SATB2: variants seen among roughly 807,000 people sequenced by gnomAD.
The protein encoded by SATB2 is SATB homeobox 2, also known as DNA-binding protein SATB2.
Under a neutral mutation model 73.4 loss-of-function variants are expected in SATB2, and 1 was observed. That is an observed-to-expected ratio of 0.01 (90% CI 0.00 to 0.06). The LOEUF (loss-of-function observed/expected upper bound fraction) is 0.06. Ranked by LOEUF, SATB2 falls within the 10% of genes least tolerant of loss-of-function variation. SATB2 has a pLI of 1.00. For missense variants in SATB2, 459 were observed against 945.8 expected (o/e 0.49, Z 6.75); for synonymous variants, 397 against 367.0 (o/e 1.08, Z -0.93).
At position 199,348,908 on chromosome 2, in the gene SATB2, G is replaced by T. The variant is rs139350909; in HGVS notation, c.966C>A (p.Ala322=). Residue 322 remains alanine, a synonymous_variant, in exon 7 of 11, where the codon GCC becomes GCA. Transcript: ENST00000417098. The part of the protein sequence containing the change: ...AMAHLINQQI[A]VSRLLAHQHP... ...GCTGGTGAGCCAGGAGCCGGCTAAC[G>T]GCAATCTGTTGGTTTATCAGATGGG... The T allele has an allele frequency of 2.5e-6, 4 of 1,614,136 alleles. No homozygotes were observed. Among genetic ancestry groups the T allele is most frequent in the African/African-American group, 1.3e-5 (1 of 75,042 alleles).
intron 10 of SATB2, among the ~76,000 whole-genome samples, chr2:199,286,268 T>A (rs1021719186): frequency 6.6e-6 from 1 of 152,154 alleles, no homozygotes; most frequent in African/African-American, 2.4e-5. Context: ...CAAATAGCTA[T>A]GAAGAGAGTA....
intron 10 of SATB2, among the ~76,000 whole-genome samples, chr2:199,287,553 A>C (rs1476331829): frequency 6.6e-6 from 1 of 151,838 alleles, no homozygotes; most frequent in Non-Finnish European, 1.5e-5. Context: ...GAATAGGATG[A>C]TTTAGAAACA....
rs1183833105 is a variant in SATB2 at position 199,350,998 on chromosome 2, C to CG, written c.701-1826_701-1825insC. Reference sequence around the variant, plus strand: ...TGAGTAGAAATCACACCACTGCACTCCAGCCTGAGTGACGAGCGAGACTCT... The same window carrying CG: ...TGAGTAGAAATCACACCACTGCACTCGCAGCCTGAGTGACGAGCGAGACTCT... On this transcript the variant is annotated intron_variant, in intron 6 of 10. Coordinates refer to ENST00000417098, the MANE Select transcript of SATB2 (RefSeq NM_001172509.2). 2.0e-5 allele frequency among the ~76,000 whole-genome samples: 3 copies of CG among 148,462 alleles called. No homozygotes were observed. In the Admixed American group the frequency reaches 2.0e-4, roughly 10 times the overall value.
At chr2:199,281,463 C>T (rs1193624181) in intron 10 of SATB2, among the ~76,000 whole-genome samples, 1 of 113,736 alleles carries the variant, frequency 8.8e-6, no homozygotes, top group Non-Finnish European at 1.8e-5. Flanking sequence ...AGAACACAAA[C>T]AAGATGATAT....
chr2:199,391,667 A>G (rs1690145882), intron 3 of SATB2, among the ~76,000 whole-genome samples: 1 of 152,140 alleles, frequency 6.6e-6, no homozygotes, highest in African/African-American at 2.4e-5. Flanking sequence ...TACCATTTTA[A>G]TGGCCAAAAA....
chr2:199,427,847 C>T (rs1351099963), intron 3 of SATB2, among the ~76,000 whole-genome samples: 1 of 151,856 alleles, frequency 6.6e-6, no homozygotes, highest in Non-Finnish European at 1.5e-5. Flanking sequence ...TGAAAGTAGC[C>T]TCTATGTAAA....
At chr2:199,342,990 AATGTT>A (rs1688550513) in intron 7 of SATB2, among the ~76,000 whole-genome samples, 1 of 152,178 alleles carries the variant, frequency 6.6e-6, no homozygotes, top group African/African-American at 2.4e-5. Context: ...TGACATTTGA[AATGTT>A]ATTTATTATG....
intron 2 of SATB2, among the ~76,000 whole-genome samples, chr2:199,451,355 T>C (rs1692117794): frequency 6.6e-6 from 1 of 151,800 alleles, no homozygotes; most frequent in Non-Finnish European, 1.5e-5. Context: ...AGAGAAGAGT[T>C]ATTTTTCTAC....
At chr2:199,346,306 C>T (rs922557376) in intron 7 of SATB2, among the ~76,000 whole-genome samples, 2 of 151,986 alleles carry the variant, frequency 1.3e-5, no homozygotes, top group Admixed American at 6.6e-5. Flanking sequence ...CACGCCACCA[C>T]GCCCAGCTAA....
intron 7 of SATB2, among the ~76,000 whole-genome samples, chr2:199,331,457 G>A (rs1341472952): frequency 6.6e-6 from 1 of 151,966 alleles, no homozygotes; most frequent in Non-Finnish European, 1.5e-5. Flanking sequence ...AAACCAACAA[G>A]GAAGCCAGTG....
intron 9 of SATB2, among the ~76,000 whole-genome samples, chr2:199,320,510 G>A (rs1687856476): frequency 6.6e-6 from 1 of 152,144 alleles, no homozygotes. Flanking sequence ...GGAAGTGGAT[G>A]ATGGACTGGC....
chr2:199,279,712 AC>A (rs1175740138), intron 10 of SATB2, among the ~76,000 whole-genome samples: 1 of 152,184 alleles, frequency 6.6e-6, no homozygotes, highest in African/African-American at 2.4e-5. Context: ...AAACAAAATG[AC>A]TTTTATCCAC....
intron 7 of SATB2, among the ~76,000 whole-genome samples, chr2:199,341,224 C>T (rs1451426929): frequency 6.6e-6 from 1 of 152,186 alleles, no homozygotes; most frequent in Admixed American, 6.5e-5. Flanking sequence ...AGTCAAGCAA[C>T]ATATTTCATG....
In SATB2 at chr2:199,274,865, T is replaced by C. The variant is rs529220789; in HGVS notation, c.1741-2193A>G. 6.6e-5 allele frequency among the ~76,000 whole-genome samples: 10 copies of C among 152,140 alleles called. 1 individual carries two copies. The South Asian group carries it at 2.1e-3, about 32-fold the overall frequency. Reference sequence around the variant, plus strand: ...GGTGGGGGGACTGGTGCTGGTCAGGTCCACTTTCATGGCAGAAGGATATTT... The same window carrying C: ...GGTGGGGGGACTGGTGCTGGTCAGGCCCACTTTCATGGCAGAAGGATATTT... On this transcript the variant is annotated intron_variant, in intron 10 of 10. Transcript: ENST00000417098.
At chr2:199,292,051 A>G (rs1574477677) in intron 10 of SATB2, among the ~76,000 whole-genome samples, 1 of 152,324 alleles carries the variant, frequency 6.6e-6, no homozygotes, top group African/African-American at 2.4e-5. Flanking sequence ...GCTGGTAAAA[A>G]GAATATTTGT....
chr2:199,351,254 C>T (rs929268869), intron 6 of SATB2, among the ~76,000 whole-genome samples: 27 of 151,170 alleles, frequency 1.8e-4, no homozygotes, highest in Middle Eastern at 3.2e-3. Flanking sequence ...CTCTGCCTCT[C>T]GGGTTCAAGT....
upstream of SATB2, among the ~76,000 whole-genome samples, chr2:199,459,487 C>T (rs1692412080): frequency 6.6e-6 from 1 of 152,156 alleles, no homozygotes; most frequent in Non-Finnish European, 1.5e-5. The surrounding 1 kb of genome is among the most constrained non-coding windows in gnomAD (Gnocchi z 4.2). Context: ...GCAGCCCCCG[C>T]GAGATACCCG....
intron 3 of SATB2, among the ~76,000 whole-genome samples, chr2:199,427,294 ATTT>A (rs1193326108): frequency 2.0e-5 from 3 of 152,124 alleles, no homozygotes; most frequent in African/African-American, 7.2e-5. Flanking sequence ...TCAGAAAAGA[ATTT>A]TTTTAAGTGT....
At chr2:199,353,949 G>GA (rs1558998182) in intron 6 of SATB2, among the ~76,000 whole-genome samples, 2 of 152,124 alleles carry the variant, frequency 1.3e-5, no homozygotes, top group South Asian at 2.1e-4. Context: ...AGAAATCCTG[G>GA]AAAAAATGAA....
Sources: allele counts gnomAD v4.1 joint callset (sites outside exome capture counted in the v4.1 genomes callset), GRCh38; gene constraint gnomAD v4.1.1; non-coding constraint Gnocchi (gnomAD v3.1); transcripts MANE v1.5; gene names NCBI Gene and HGNC (gene_info 2026-07-23, HGNC 2026-07-21).